The following DOCK10 variants were observed in gnomAD, a reference collection of about 807,000 sequenced individuals.
DOCK10 encodes dedicator of cytokinesis 10.
In DOCK10, 145 loss-of-function variants were observed where a neutral mutation model predicts 280.1. That is an observed-to-expected ratio of 0.52 (90% CI 0.45 to 0.59). The LOEUF is 0.59. DOCK10 is among the 20% of genes least tolerant of loss of function. The probability of loss-of-function intolerance (pLI) is 0.00; values close to 1 mark genes in which losing one functional copy is unlikely to be tolerated. For synonymous variants in DOCK10, 915 were observed against 942.2 expected, an observed-to-expected ratio of 0.97 and a Z score of 0.53; for missense variants, 2,368 against 2,651.7, an observed-to-expected ratio of 0.89 and a Z score of 2.35.
intron 52 of DOCK10, among the ~76,000 whole-genome samples, chr2:224,773,930 G>A (rs1690639148): frequency 6.6e-6 from 1 of 152,082 alleles, no homozygotes; most frequent in Non-Finnish European, 1.5e-5. Flanking sequence ...CACCCGGCCA[G>A]CCTTTAGAAT....
At chr2:224,984,183 T>C (rs1349772304) in intron 1 of DOCK10, among the ~76,000 whole-genome samples, 1 of 152,182 alleles carries the variant, frequency 6.6e-6, no homozygotes, top group African/African-American at 2.4e-5. Context: ...CTGCGTAGTT[T>C]GCAGGCAGCA....
At chr2:224,871,474 C>G (rs1284539163) in intron 11 of DOCK10, among the ~76,000 whole-genome samples, 1 of 152,184 alleles carries the variant, frequency 6.6e-6, no homozygotes, top group Non-Finnish European at 1.5e-5. Flanking sequence ...CCTAATTCTT[C>G]TTCTTGGACA....
chr2:225,007,304 A>C (rs1215101187), intron 1 of DOCK10, among the ~76,000 whole-genome samples: 1 of 152,222 alleles, frequency 6.6e-6, no homozygotes. Flanking sequence ...AGCAGTAAGC[A>C]TTACAACTCT....
intron 1 of DOCK10, among the ~76,000 whole-genome samples, chr2:224,984,189 C>G (rs576786330): frequency 3.3e-5 from 5 of 152,238 alleles, no homozygotes; most frequent in Admixed American, 2.0e-4. Context: ...AGTTTGCAGG[C>G]AGCAAGCTGC....
At chr2:224,896,409 T>C (rs1559692914) in intron 3 of DOCK10, 32 bp from the exon 4 acceptor site, 4 of 1,392,944 alleles carry the variant, frequency 2.9e-6, no homozygotes, top group Non-Finnish European at 4.0e-6. Context: ...ATTATTAATA[T>C]AAAAATTATC....
chr2:224,863,006 CT>C (rs1215536442), intron 13 of DOCK10, among the ~76,000 whole-genome samples: 13 of 151,890 alleles, frequency 8.6e-5, no homozygotes, highest in Non-Finnish European at 1.9e-4. Context: ...AACTTTTTTC[CT>C]TTTTTTGACT....
rs71062965 is a variant in DOCK10 at position 224,907,687 on chromosome 2, CAAA to C, written c.333+9005_333+9007del. Among the ~76,000 whole-genome samples, 226 of 123,420 alleles carry C rather than the reference CAAA, an allele frequency of 1.8e-3. 2 individuals carry two copies. The highest frequency in any genetic ancestry group is 4.2e-3 in the Middle Eastern group (1 of 236). 81.0% of individuals were successfully genotyped at this position (123,420 alleles called of 152,430 possible). On this transcript the variant is annotated intron_variant, in intron 3 of 55. Coordinates refer to ENST00000258390, the MANE Select transcript of DOCK10 (RefSeq NM_014689.3). ...TGGGCGACAGAGCGAGACTCCACCT[CAAA>C]AAAAAAAAAAAAAAGAATAGAGGTT...
chr2:225,035,970 C>A (rs1468399607), intron 1 of DOCK10, among the ~76,000 whole-genome samples: 1 of 151,986 alleles, frequency 6.6e-6, no homozygotes, highest in Non-Finnish European at 1.5e-5. Flanking sequence ...AAGGCCTCAC[C>A]TCCTAACCGC....
chr2:224,821,641 GA>G (rs1466269039), intron 28 of DOCK10, among the ~76,000 whole-genome samples: 1 of 152,010 alleles, frequency 6.6e-6, no homozygotes, highest in Non-Finnish European at 1.5e-5. Flanking sequence ...GGGTAACTAT[GA>G]GGTCTTTTCC....
At chr2:224,941,197 C>T (rs1253676288) in intron 1 of DOCK10, among the ~76,000 whole-genome samples, 1 of 140,776 alleles carries the variant, frequency 7.1e-6, no homozygotes, top group Non-Finnish European at 1.6e-5. Context: ...CATTACTGCT[C>T]TTTTTTTTTT....
At chr2:224,900,813 A>G (rs1559705228) in intron 3 of DOCK10, among the ~76,000 whole-genome samples, 1 of 152,242 alleles carries the variant, frequency 6.6e-6, no homozygotes, top group Non-Finnish European at 1.5e-5. Flanking sequence ...GTTTCAATCT[A>G]TAATTCACAT....
At chr2:224,835,329 T>C (rs1695524193) in intron 25 of DOCK10, among the ~76,000 whole-genome samples, 2 of 152,220 alleles carry the variant, frequency 1.3e-5, no homozygotes, top group Admixed American at 6.5e-5. Flanking sequence ...ACTGAAATAT[T>C]CTTATTTTAA....
rs2124950680 is a variant in DOCK10, at chr2:224,770,882, T to G, written c.6205-237A>C. Among the ~76,000 whole-genome samples the G allele has an allele frequency of 6.6e-6, 1 of 150,612 alleles. No individual in the cohort carries two copies. Among genetic ancestry groups the G allele is most frequent in the South Asian group, 2.1e-4 (1 of 4,792 alleles). On this transcript the variant is annotated intron_variant, in intron 53 of 55. Coordinates refer to ENST00000258390, the MANE Select transcript of DOCK10 (RefSeq NM_014689.3). This position sits in a 1 kb window ranked among gnomAD's most constrained non-coding sequence, Gnocchi z 4.5. The stretch of plus-strand genomic sequence containing the variant: ...CAAATTTCAGTCCTTTGCCAACCCC[T>G]TCACATTTTTTTTTTTTGTCATATC...
At chr2:224,815,805 G>A (rs1694093670) in intron 30 of DOCK10, among the ~76,000 whole-genome samples, 3 of 152,120 alleles carry the variant, frequency 2.0e-5, no homozygotes, top group African/African-American at 4.8e-5. Context: ...AGAGGCCGAC[G>A]TAGGCGGATC....
chr2:224,881,744 C>T (rs1489311385), intron 7 of DOCK10, among the ~76,000 whole-genome samples: 1 of 152,104 alleles, frequency 6.6e-6, no homozygotes, highest in Non-Finnish European at 1.5e-5. Context: ...TTATTGTTCT[C>T]GGAAGTGAGA....
chr2:224,982,076 C>T, intron 1 of DOCK10: 1 of 591,144 alleles, frequency 1.7e-6, no homozygotes, highest in Non-Finnish European at 2.5e-6. Flanking sequence ...TTTCCCCAAA[C>T]AGTACTTCAG....
intron 1 of DOCK10, among the ~76,000 whole-genome samples, chr2:225,006,097 G>A (rs1689240366): frequency 6.6e-6 from 1 of 152,112 alleles, no homozygotes. Context: ...TCTAGGCAGA[G>A]CAAACACATT....
Position 224,853,005 on chromosome 2 carries a change from C to T in DOCK10, c.2006G>A (p.Arg669Lys). Residue 669 changes from arginine (R) to lysine (K), a missense_variant, in exon 17 of 56, where the codon AGA (arginine) becomes AAA (lysine). By Grantham distance (26) the Arg-to-Lys change is conservative (BLOSUM62 2). Coordinates refer to ENST00000258390, the MANE Select transcript of DOCK10 (RefSeq NM_014689.3). ...AATATAAATTTGATTTTTATATACT[C>T]TGTAAGGCCGACAATACTTTGTTGA... Reference protein sequence around the residue: ...YDSTKYCRPYRVYKNQIYIYP... With the variant: ...YDSTKYCRPYKVYKNQIYIYP... 6.2e-7 allele frequency: 1 copy of T among 1,612,764 alleles called. No individual in the cohort carries two copies. Among genetic ancestry groups the T allele is most frequent in the Non-Finnish European group, 8.5e-7 (1 of 1,179,104 alleles).
chr2:224,907,353 C>A (rs1210685823), intron 3 of DOCK10, among the ~76,000 whole-genome samples: 1 of 152,106 alleles, frequency 6.6e-6, no homozygotes, highest in African/African-American at 2.4e-5. Context: ...TGCATGACCT[C>A]CCTGAACACA....
Sources: gnomAD v4.1 joint callset for allele counts (sites outside exome capture counted in the v4.1 genomes callset) on GRCh38, gnomAD v4.1.1 for gene constraint, Gnocchi (gnomAD v3.1) non-coding constraint, MANE v1.5 for transcripts, NCBI Gene and HGNC (gene_info 2026-07-23, HGNC 2026-07-21) for gene names.